CLPP: variants seen among roughly 807,000 people sequenced by gnomAD.
CLPP encodes caseinolytic mitochondrial matrix peptidase proteolytic subunit, also known as ATP-dependent Clp protease proteolytic subunit, mitochondrial.
A neutral mutation model predicts 27.4 loss-of-function variants in CLPP; 14 were observed. The observed-to-expected ratio is 0.51, with a 90% confidence interval of 0.34 to 0.80. The LOEUF (loss-of-function observed/expected upper bound fraction) is 0.80. Among genes scored for constraint, CLPP ranks in the 30% least tolerant of loss-of-function variants. CLPP has a pLI of 0.02. For missense variants in CLPP, 361 were observed against 403.6 expected (o/e 0.89, Z 0.90); for synonymous variants, 193 against 166.6 (o/e 1.16, Z -1.22).
chr19:6,366,155 G>C, intron 4 of CLPP, 103 bp from the exon 5 acceptor site: 2 of 698,848 alleles, frequency 2.9e-6, no homozygotes, highest in South Asian at 3.3e-5. Context: ...CAAACCGGAA[G>C]CCCAAAGCCC....
At chr19:6,361,838 C>CT (rs397829807) in intron 1 of CLPP, 31 bp from the exon 2 acceptor site, 5 of 1,593,742 alleles carry the variant, frequency 3.1e-6, no homozygotes, top group African/African-American at 2.7e-5. Flanking sequence ...CTGGCTGCCC[C>CT]GGCCCCTCAC....
At chr19:6,366,473 C>G in intron 5 of CLPP, 110 bp downstream of exon 5, 1 of 732,304 alleles carries the variant, frequency 1.4e-6, no homozygotes, top group Non-Finnish European at 2.3e-6. Flanking sequence ...CTGGATCGTT[C>G]TCTGGGATGG....
intron 2 of CLPP, chr19:6,362,182 C>CCTACG: frequency 3.3e-6 from 2 of 601,702 alleles, no homozygotes; most frequent in Non-Finnish European, 3.0e-6. Flanking sequence ...TCCCCTCATT[C>CCTACG]CTACGCTCAA....
intron 5 of CLPP, among the ~76,000 whole-genome samples, chr19:6,368,161 CAG>C (rs1379722439): frequency 6.6e-6 from 1 of 152,198 alleles, no homozygotes; most frequent in Non-Finnish European, 1.5e-5. Flanking sequence ...CAGACCTCAA[CAG>C]AGATTTATGT....
rs1383644978 is a variant in CLPP at position 6,369,694 on chromosome 19, C to G, written c.*984C>G. On this transcript the variant is annotated 3_prime_UTR_variant, in exon 6 of 6. Coordinates refer to ENST00000245816, the MANE Select transcript of CLPP (RefSeq NM_006012.4). ...ATCAAAAAGTAGAGGTGAAAATTAG[C>G]CAGGCGTGATGGTGCACTTGAACCC... 6.6e-6 allele frequency among the ~76,000 whole-genome samples: 1 copy of G among 151,688 alleles called. No individual in the cohort carries two copies. Among genetic ancestry groups the G allele is most frequent in the Non-Finnish European group, 1.5e-5 (1 of 67,976 alleles).
chr19:6,364,910 G>A, intron 4 of CLPP: 1 of 349,020 alleles, frequency 2.9e-6, no homozygotes, highest in Non-Finnish European at 5.3e-6. Context: ...ATTTTTAGTG[G>A]AGACGGGGTT....
rs756331752 is a variant in CLPP, at chr19:6,368,590, T to C, written c.714T>C (p.Phe238=). 4 of 1,614,016 alleles carry C rather than the reference T, an allele frequency of 2.5e-6. No individual in the cohort carries two copies. The highest frequency in any genetic ancestry group is 3.4e-6 in the Non-Finnish European group (4 of 1,179,998). The change falls in exon 6 of 6, where the codon TTT becomes TTC. Residue 238 remains phenylalanine, a synonymous_variant. Coordinates refer to ENST00000245816, the MANE Select transcript of CLPP (RefSeq NM_006012.4). The part of the protein sequence containing the change: ...RYMSPMEAQE[F]GILDKVLVHP... ...TGAGCCCCATGGAGGCCCAGGAGTT[T>C]GGCATCTTAGACAAGGTTCTGGTCC... is the stretch of plus-strand genomic sequence containing the variant.
chr19:6,362,179 A>G (rs1283096399), intron 2 of CLPP: 2 of 588,530 alleles, frequency 3.4e-6, no homozygotes, highest in Non-Finnish European at 6.0e-6. Flanking sequence ...CGCTCCCCTC[A>G]TTCCTACGCT....
At position 6,364,656 on chromosome 19, in the gene CLPP, C is replaced by A. The variant is rs776448958; in HGVS notation, c.555+17C>A. ...GGCGCCCGGGTGAGTGCCAGACACGCGAGCTGCTGTTGGGAATCAGGACAG... is the reference window on the plus strand; with the variant it reads ...GGCGCCCGGGTGAGTGCCAGACACGAGAGCTGCTGTTGGGAATCAGGACAG... On this transcript the variant is annotated intron_variant, in intron 4 of 5. Transcript: ENST00000245816. 6.2e-7 allele frequency: 1 copy of A among 1,600,514 alleles called. No homozygotes were observed. Among genetic ancestry groups the A allele is most frequent in the South Asian group, 1.1e-5 (1 of 90,354 alleles).
At position 6,361,566 on chromosome 19, in the gene CLPP, T is replaced by G. The variant is rs911470729; in HGVS notation, c.-9T>G. On this transcript the variant is annotated 5_prime_UTR_variant, in exon 1 of 6. Transcript: ENST00000245816. ...CATCGGACGGAAGCCGACCGGGGCG[T>G]GCGGAGGGATGTGGCCCGGAATATT... 11 of 1,393,224 alleles carry G rather than the reference T, an allele frequency of 7.9e-6. No individual in the cohort carries two copies. The highest frequency in any genetic ancestry group is 1.0e-5 in the Non-Finnish European group (11 of 1,069,562). 86.3% of individuals were successfully genotyped at this position (1,393,224 alleles called of 1,614,324 possible). A position where few individuals can be genotyped will look rare whatever the true frequency, so the allele number is the denominator to read the frequency against.
rs1477164510 is a variant in CLPP at position 6,368,594 on chromosome 19, A to G, written c.718A>G (p.Ile240Val). 3 of 1,613,952 alleles carry G rather than the reference A, an allele frequency of 1.9e-6. No homozygotes were observed. Among genetic ancestry groups the G allele is most frequent in the Non-Finnish European group, 2.5e-6 (3 of 1,179,964 alleles). Residue 240 changes from isoleucine to valine, a missense_variant, in exon 6 of 6, where the codon ATC becomes GTC. This residue lies in a region of CLPP where 213 missense variants were observed against 280.9 expected (regional missense o/e 0.76). Coordinates refer to ENST00000245816, the MANE Select transcript of CLPP (RefSeq NM_006012.4). ...CCCCATGGAGGCCCAGGAGTTTGGC[A>G]TCTTAGACAAGGTTCTGGTCCACCC... ...MSPMEAQEFG[I>V]LDKVLVHPPQ...
intron 2 of CLPP, 108 bp downstream of exon 2, chr19:6,362,048 C>T (rs1223619430): frequency 7.6e-6 from 8 of 1,057,180 alleles, no homozygotes; most frequent in African/African-American, 1.6e-5. Flanking sequence ...CTCCGCTCCC[C>T]TTCTAACCCC....
chr19:6,362,578 G>C (rs777884384), intron 3 of CLPP, 36 bp downstream of exon 3: 5 of 1,409,626 alleles, frequency 3.5e-6, no homozygotes, highest in Non-Finnish European at 5.0e-6. Flanking sequence ...AGGGGCACTC[G>C]TCAGGGCACA....
At chr19:6,366,917 C>T (rs543396394) in intron 5 of CLPP, among the ~76,000 whole-genome samples, 1 of 151,918 alleles carries the variant, frequency 6.6e-6, no homozygotes, top group South Asian at 2.1e-4. Flanking sequence ...AAGTGTGAGC[C>T]ACCACGCCCA....
chr19:6,362,493 G>T lies in CLPP; in HGVS notation c.318G>T (p.Leu106=). The change falls in exon 3 of 6, where the codon CTG becomes CTT. Residue 106 remains leucine, a synonymous_variant. Transcript: ENST00000245816. The stretch of plus-strand genomic sequence containing the variant: ...TTGTTATCGCACAGCTCCTCTTCCT[G>T]CAATCCGAGAGCAACAAGAAGCCCA... The part of the protein sequence containing the change: ...ASLVIAQLLF[L]QSESNKKPIH... 3 of 1,614,008 alleles carry T rather than the reference G, an allele frequency of 1.9e-6. No individual in the cohort carries two copies. Among genetic ancestry groups the T allele is most frequent in the Non-Finnish European group, 2.5e-6 (3 of 1,179,960 alleles).
At chr19:6,362,619 C>A in intron 3 of CLPP, 77 bp downstream of exon 3, 1 of 995,318 alleles carries the variant, frequency 1.0e-6, no homozygotes, top group Non-Finnish European at 1.6e-6. Context: ...AATCCCGGGT[C>A]AGGGATGTTC....
Position 6,368,896 on chromosome 19 carries a change from G to T in CLPP, c.*186G>T. 1 of 608,440 alleles carries T rather than the reference G, an allele frequency of 1.6e-6. No homozygotes were observed. 37.7% of individuals were successfully genotyped at this position (608,440 alleles called of 1,614,324 possible). ...CTGTGATTTTAAATTAAATCTTTGT[G>T]GTCTTTGCTCTGCGTCTGGGACACC... On this transcript the variant is annotated 3_prime_UTR_variant, in exon 6 of 6. Transcript: ENST00000245816.
At position 6,368,273 on chromosome 19, in the gene CLPP, CTG is replaced by C. The variant is rs561401888; in HGVS notation, c.662-261_662-260del. Among the ~76,000 whole-genome samples, 72 of 152,208 alleles carry C rather than the reference CTG, an allele frequency of 4.7e-4. 2 individuals are homozygous for C. In the South Asian group the frequency reaches 0.011, roughly 23 times the overall value. ...TGGCTTGCAGACGGCCGCCTTCTCG[CTG>C]TGTCTTCACATGGTGGAGAGAGAGC... On this transcript the variant is annotated intron_variant, in intron 5 of 5. Coordinates refer to ENST00000245816, the MANE Select transcript of CLPP (RefSeq NM_006012.4).
In CLPP at chr19:6,361,953, C is replaced by T; in HGVS notation, c.270+13C>T. 1 of 1,595,376 alleles carries T rather than the reference C, an allele frequency of 6.3e-7. No individual in the cohort carries two copies. The highest frequency in any genetic ancestry group is 8.5e-7 in the Non-Finnish European group (1 of 1,178,406). On this transcript the variant is annotated intron_variant, in intron 2 of 5. Coordinates refer to ENST00000245816, the MANE Select transcript of CLPP (RefSeq NM_006012.4). ...CGTCATGGGCCCGGTGAGCGCCCCGCGCCGGGACCCTCCCCAGGACTCTCC... is the reference window on the plus strand; with the variant it reads ...CGTCATGGGCCCGGTGAGCGCCCCGTGCCGGGACCCTCCCCAGGACTCTCC...
Sources: gnomAD v4.1 joint callset for allele counts (sites outside exome capture counted in the v4.1 genomes callset) on GRCh38, gnomAD v4.1.1 for gene constraint, gnomAD v4.1.1 regional missense constraint, MANE v1.5 for transcripts, NCBI Gene and HGNC (gene_info 2026-07-23, HGNC 2026-07-21) for gene names.